Variants in SPECC1L observed in about 807,000 individuals in gnomAD.
SPECC1L encodes the protein sperm antigen with calponin homology and coiled-coil domains 1 like, also known as cytospin-A.
A neutral mutation model predicts 116.8 loss-of-function variants in SPECC1L; 40 were observed. That is an observed-to-expected ratio of 0.34 (90% CI 0.27 to 0.45). The LOEUF (loss-of-function observed/expected upper bound fraction) is 0.45, where lower values mean the gene tolerates loss of function less well. Among genes scored for constraint, SPECC1L ranks in the 20% least tolerant of loss-of-function variants. The pLI, the probability that SPECC1L is intolerant of heterozygous loss-of-function variation, is 1.00. For synonymous variants in SPECC1L, 504 were observed against 500.6 expected, an observed-to-expected ratio of 1.01 and a Z score of -0.09; for missense variants, 1,110 against 1,373.6, an observed-to-expected ratio of 0.81 and a Z score of 3.03.
In SPECC1L at chr22:24,322,587, C is replaced by T; in HGVS notation, c.1607C>T (p.Ala536Val). 3 of 1,614,152 alleles carry T rather than the reference C, an allele frequency of 1.9e-6. No individual in the cohort carries two copies. The highest frequency in any genetic ancestry group is 1.3e-5 in the African/African-American group (1 of 75,058). Residue 536 changes from alanine to valine, a missense_variant, in exon 5 of 17, where the codon GCA (alanine) becomes GTA (valine). Around this residue, in one of 4 missense-constraint regions of SPECC1L, gnomAD observed 575 missense variants for 682.4 expected, o/e 0.84. Coordinates refer to ENST00000314328, the MANE Select transcript of SPECC1L (RefSeq NM_015330.6). ...AAGGAAGCTCAAGAAATGATAGGGG[C>T]ACTCAAAGAACGCAGTCACCATATG... ...DNKEAQEMIG[A>V]LKERSHHMER... is the part of the protein sequence containing the mutation.
At chr22:24,375,245 T>G (rs902350390) in intron 14 of SPECC1L, among the ~76,000 whole-genome samples, 1 of 152,178 alleles carries the variant, frequency 6.6e-6, no homozygotes, top group African/African-American at 2.4e-5. Context: ...TTCTTCCAAA[T>G]TTTAAAAGAG....
In SPECC1L at chr22:24,417,181, T is replaced by C. The variant is rs1601383706; in HGVS notation, c.*2558T>C. 1 of 152,738 alleles carries C rather than the reference T, an allele frequency of 6.5e-6. No homozygotes were observed. Among genetic ancestry groups the C allele is most frequent in the East Asian group, 1.9e-4 (1 of 5,188 alleles). 9.5% of individuals were successfully genotyped at this position (152,738 alleles called of 1,614,324 possible). On this transcript the variant is annotated 3_prime_UTR_variant, in exon 17 of 17. Coordinates refer to ENST00000314328, the MANE Select transcript of SPECC1L (RefSeq NM_015330.6). ...TCTATTTCTCTCGATCCCAGGCTTCTGCGGACCGACGATACGTTTAAATGT... is the reference window on the plus strand; with the variant it reads ...TCTATTTCTCTCGATCCCAGGCTTCCGCGGACCGACGATACGTTTAAATGT...
intron 2 of SPECC1L, among the ~76,000 whole-genome samples, chr22:24,287,352 G>A (rs1439795543): frequency 2.6e-5 from 4 of 152,176 alleles, no homozygotes; most frequent in Non-Finnish European, 4.4e-5. Flanking sequence ...TGGGATGTGT[G>A]CTTTAGAGTG....
intron 2 of SPECC1L, among the ~76,000 whole-genome samples, chr22:24,290,700 T>C (rs1366008987): frequency 2.0e-5 from 3 of 152,222 alleles, no homozygotes; most frequent in African/African-American, 7.2e-5. Flanking sequence ...ATGACAAGGC[T>C]CAGACTTTCC....
intron 11 of SPECC1L, among the ~76,000 whole-genome samples, chr22:24,347,769 G>A (rs529501142): frequency 5.3e-5 from 8 of 152,076 alleles, no homozygotes; most frequent in South Asian, 4.2e-4. Flanking sequence ...TCTGCCTCCC[G>A]GGTTCAAGCA....
chr22:24,395,498 A>G (rs1347411899), intron 14 of SPECC1L, among the ~76,000 whole-genome samples: 3 of 151,976 alleles, frequency 2.0e-5, no homozygotes, highest in Non-Finnish European at 4.4e-5. Flanking sequence ...AGGAAGAGAT[A>G]TTTCATCAGG....
intron 2 of SPECC1L, among the ~76,000 whole-genome samples, chr22:24,286,935 A>C (rs1300231458): frequency 6.6e-6 from 1 of 152,194 alleles, no homozygotes; most frequent in East Asian, 1.9e-4. Context: ...AAAATAAGTA[A>C]ATGTGAATTT....
intron 14 of SPECC1L, among the ~76,000 whole-genome samples, chr22:24,373,359 A>G (rs1234843483): frequency 1.3e-5 from 2 of 152,222 alleles, no homozygotes; most frequent in Non-Finnish European, 2.9e-5. Context: ...GCATCACACT[A>G]CCTGACTTCA....
At chr22:24,414,070 C>G (rs1387772439) in intron 16 of SPECC1L, among the ~76,000 whole-genome samples, 1 of 152,230 alleles carries the variant, frequency 6.6e-6, no homozygotes, top group Non-Finnish European at 1.5e-5. Flanking sequence ...AGCACAGTTA[C>G]AGAGCAGAGT....
chr22:24,319,958 G>A (rs1279823901), intron 4 of SPECC1L, among the ~76,000 whole-genome samples: 3 of 152,034 alleles, frequency 2.0e-5, no homozygotes, highest in Admixed American at 6.6e-5. Flanking sequence ...GGCCAGGTGC[G>A]GTGGCTCACG....
intron 14 of SPECC1L, among the ~76,000 whole-genome samples, chr22:24,386,967 A>G (rs2146716675): frequency 6.6e-6 from 1 of 152,334 alleles, no homozygotes; most frequent in Admixed American, 6.5e-5. Context: ...CTATGTCTGC[A>G]GCAGATTAGA....
At chr22:24,402,472 C>T (rs1239049622) in intron 14 of SPECC1L, among the ~76,000 whole-genome samples, 9 of 152,184 alleles carry the variant, frequency 5.9e-5, no homozygotes, top group Admixed American at 5.2e-4. Flanking sequence ...CAAACTCTGC[C>T]ACAGTATAGG....
chr22:24,355,445 A>G (rs768634217), intron 11 of SPECC1L, among the ~76,000 whole-genome samples: 5 of 146,822 alleles, frequency 3.4e-5, no homozygotes, highest in African/African-American at 7.9e-5. Context: ...CTGTCTGTCT[A>G]CCTACCTATC....
intron 8 of SPECC1L, among the ~76,000 whole-genome samples, chr22:24,331,432 T>C (rs999581618): frequency 1.3e-5 from 2 of 152,254 alleles, no homozygotes; most frequent in Non-Finnish European, 2.9e-5. Context: ...ATTACATTAC[T>C]TTTTTCTCTT....
chr22:24,377,949 C>T (rs2042000699), intron 14 of SPECC1L, among the ~76,000 whole-genome samples: 1 of 152,204 alleles, frequency 6.6e-6, no homozygotes, highest in Non-Finnish European at 1.5e-5. Context: ...TCACCAGCTG[C>T]TTAGGCCCTA....
intron 4 of SPECC1L, among the ~76,000 whole-genome samples, chr22:24,319,976 G>A (rs1300176148): frequency 6.6e-6 from 1 of 152,136 alleles, no homozygotes; most frequent in African/African-American, 2.4e-5. Flanking sequence ...ACGCCTGTAA[G>A]TGCGGTGGCT....
chr22:24,366,178 A>C (rs193191684), intron 13 of SPECC1L, among the ~76,000 whole-genome samples: 125 of 144,900 alleles, frequency 8.6e-4, no homozygotes, highest in Non-Finnish European at 1.3e-3. Context: ...TAGGCAGGGG[A>C]TGGCAAAGTG....
At chr22:24,360,240 C>G (rs2041616716) in intron 11 of SPECC1L, among the ~76,000 whole-genome samples, 1 of 152,180 alleles carries the variant, frequency 6.6e-6, no homozygotes, top group East Asian at 1.9e-4. Context: ...TTTAAGCCAG[C>G]CTACTTAGTA....
intron 11 of SPECC1L, among the ~76,000 whole-genome samples, chr22:24,358,115 GTT>G (rs531551339): frequency 0.034 from 4,322 of 128,716 alleles, 117 homozygotes; most frequent in African/African-American, 0.079. Context: ...GTTTTTTTTG[GTT>G]TTTTTTTTTT....
Sources: allele counts gnomAD v4.1 joint callset (sites outside exome capture counted in the v4.1 genomes callset), GRCh38; gene constraint gnomAD v4.1.1; regional missense constraint gnomAD v4.1.1; transcripts MANE v1.5; gene names NCBI Gene and HGNC (gene_info 2026-07-23, HGNC 2026-07-21).